Variants in GRHPR observed in about 807,000 individuals in gnomAD.
The protein encoded by GRHPR is glyoxylate reductase/hydroxypyruvate reductase.
GRHPR carries 35 observed loss-of-function variants against 36.8 expected under a neutral mutation model. The observed-to-expected ratio is 0.95, with a 90% confidence interval of 0.73 to 1.26. The LOEUF is 1.26. Among genes scored for constraint, GRHPR ranks in the 50% most tolerant of loss-of-function variants. GRHPR has a pLI of 0.00. For synonymous variants in GRHPR, 179 were observed against 181.0 expected, an observed-to-expected ratio of 0.99 and a Z score of 0.09; for missense variants, 380 against 435.0, an observed-to-expected ratio of 0.87 and a Z score of 1.12.
intron 7 of GRHPR, chr9:37,431,384 C>T (rs1030744491): frequency 1.6e-5 from 5 of 306,478 alleles, no homozygotes; most frequent in South Asian, 2.9e-5. Context: ...TCACAGCTGC[C>T]GTGTACTGGG....
chr9:37,430,573 G>A lies in GRHPR; in HGVS notation c.661G>A (p.Ala221Thr). ...FIVVACSLTP[A>T]TEGLCNKDFF... is the part of the protein sequence containing the mutation. Reference sequence around the variant, plus strand: ...CGTCGTGGCCTGCTCCTTAACACCTGCAACCGAGGGACTCTGCAACAAGGA... The same window carrying A: ...CGTCGTGGCCTGCTCCTTAACACCTACAACCGAGGGACTCTGCAACAAGGA... The change falls in exon 7 of 9, where the codon GCA becomes ACA. Residue 221 changes from alanine (A) to threonine (T), a missense_variant. Physicochemically the swap from Ala to Thr is moderately conservative, Grantham distance 58. Transcript: ENST00000318158. 1.9e-6 allele frequency: 3 copies of A among 1,613,564 alleles called. No individual in the cohort carries two copies. The highest frequency in any genetic ancestry group is 2.5e-6 in the Non-Finnish European group (3 of 1,179,476).
chr9:37,436,968 T>C lies in GRHPR; in HGVS notation c.*186T>C, dbSNP rs1030071327. On this transcript the variant is annotated 3_prime_UTR_variant, in exon 9 of 9. Transcript: ENST00000318158. The stretch of plus-strand genomic sequence containing the variant: ...ATTTGCGCCAAAAGTATGGTAATTC[T>C]ATTATTAAATAATTCTCTGAGAGAC... 1.8e-5 allele frequency: 11 copies of C among 610,936 alleles called. No individual in the cohort carries two copies. The African/African-American group carries it at 2.0e-4, about 11-fold the overall frequency. 37.8% of individuals were successfully genotyped at this position (610,936 alleles called of 1,614,324 possible).
rs146227450 is a variant in GRHPR at position 37,430,578 on chromosome 9, C to T, written c.666C>T (p.Thr222=). ...TGGCCTGCTCCTTAACACCTGCAAC[C>T]GAGGGACTCTGCAACAAGGACTTCT... ...IVVACSLTPA[T]EGLCNKDFFQ... Residue 222 remains threonine, a synonymous_variant, in exon 7 of 9, where the codon ACC becomes ACT. Transcript: ENST00000318158. 6.6e-5 allele frequency: 107 copies of T among 1,613,378 alleles called. No individual in the cohort carries two copies. The African/African-American group carries it at 9.9e-4, about 15-fold the overall frequency.
chr9:37,422,889 G>A (rs1172838237), intron 1 of GRHPR, 56 bp downstream of exon 1: 1 of 1,299,736 alleles, frequency 7.7e-7, no homozygotes, highest in African/African-American at 1.5e-5. Context: ...GGACCGGAGA[G>A]CCGGGCGGGG....
intron 8 of GRHPR, 68 bp from the exon 9 acceptor site, chr9:37,436,593 A>T: frequency 1.3e-6 from 2 of 1,589,634 alleles, no homozygotes; most frequent in Non-Finnish European, 1.7e-6. Flanking sequence ...CAAGCCATGA[A>T]AACAGCCCAG....
chr9:37,428,677 C>T, intron 5 of GRHPR, 105 bp downstream of exon 5: 1 of 792,112 alleles, frequency 1.3e-6, no homozygotes, highest in South Asian at 1.3e-5. Context: ...GCTGTCAGGG[C>T]ACTTTGCTTG....
At position 37,426,602 on chromosome 9, in the gene GRHPR, C is replaced by T. The variant is rs182258378; in HGVS notation, c.352C>T (p.Leu118=). 2 of 1,613,918 alleles carry T rather than the reference C, an allele frequency of 1.2e-6. No individual in the cohort carries two copies. The highest frequency in any genetic ancestry group is 4.5e-5 in the East Asian group (2 of 44,888). Residue 118 remains leucine, a synonymous_variant, in exon 4 of 9, where the codon CTG becomes TTG. Coordinates refer to ENST00000318158, the MANE Select transcript of GRHPR (RefSeq NM_012203.2). ...TACCACCGCCGAACTCGCAGTCTCC[C>T]TGCTACTTACCACCTGCCGCCGGTT... is the stretch of plus-strand genomic sequence containing the variant. ...TDTTAELAVS[L]LLTTCRRLPE...
At chr9:37,431,781 CAG>C in intron 7 of GRHPR, 1 of 507,106 alleles carries the variant, frequency 2.0e-6, no homozygotes, top group Non-Finnish European at 3.6e-6. Context: ...ATTCGAGGCA[CAG>C]AGAATTTGAG....
chr9:37,432,014 C>T lies in GRHPR; in HGVS notation c.741C>T (p.Asp247=), dbSNP rs549318773. Residue 247 remains aspartate (D), a synonymous_variant, in exon 8 of 9, where the codon GAC becomes GAT. Coordinates refer to ENST00000318158, the MANE Select transcript of GRHPR (RefSeq NM_012203.2). ...TCACCACTGTCATTCCCAGGGGCGACGTCGTAAACCAGGACGACCTGTACC... is the reference window on the plus strand; with the variant it reads ...TCACCACTGTCATTCCCAGGGGCGATGTCGTAAACCAGGACGACCTGTACC... ...TAVFINISRG[D]VVNQDDLYQA... is the part of the protein sequence containing the mutation. 72 of 1,614,058 alleles carry T rather than the reference C, an allele frequency of 4.5e-5. 1 individual carries two copies. Among genetic ancestry groups the T allele is most frequent in the South Asian group, 3.1e-4 (28 of 91,078 alleles).
At chr9:37,424,369 T>C (rs1249612481) in intron 1 of GRHPR, among the ~76,000 whole-genome samples, 1 of 152,266 alleles carries the variant, frequency 6.6e-6, no homozygotes, top group Non-Finnish European at 1.5e-5. Context: ...ATCTGGTTGC[T>C]GTGAGCTGCC....
rs966467855 is a variant in GRHPR at position 37,425,111 on chromosome 9, G to A, written c.214+136G>A. ...TTCCTGCGATACCAGGCCCGAGCGG[G>A]CAGATAGCTTGCTCTGGCACAGGCA... On this transcript the variant is annotated intron_variant, in intron 2 of 8. Transcript: ENST00000318158. The A allele has an allele frequency of 3.5e-6, 3 of 866,560 alleles. No homozygotes were observed. The South Asian group carries it at 4.7e-5, about 14-fold the overall frequency. The allele number at this position is 866,560 out of a possible 1,614,324, so 53.7% of individuals were successfully genotyped here.
rs771231175 is a variant in GRHPR at position 37,429,816 on chromosome 9, C to T, written c.578C>T (p.Ala193Val). ...TGRQPRPEEA[A>V]EFQAEFVSTP... Reference sequence around the variant, plus strand: ...CGCCAGCCCAGGCCTGAGGAAGCAGCAGAATTCCAGGCAGAGTTTGGTAAG... The same window carrying T: ...CGCCAGCCCAGGCCTGAGGAAGCAGTAGAATTCCAGGCAGAGTTTGGTAAG... Residue 193 changes from alanine (A) to valine (V), a missense_variant, in exon 6 of 9, where the codon GCA becomes GTA. Physicochemically the swap from Ala to Val is moderately conservative, Grantham distance 64. Coordinates refer to ENST00000318158, the MANE Select transcript of GRHPR (RefSeq NM_012203.2). The T allele has an allele frequency of 2.9e-5, 46 of 1,601,928 alleles. No individual in the cohort carries two copies. The East Asian group carries it at 3.6e-4, about 12-fold the overall frequency.
chr9:37,429,396 G>C (rs774127781), intron 5 of GRHPR: 3 of 391,398 alleles, frequency 7.7e-6, no homozygotes, highest in South Asian at 6.4e-5. Flanking sequence ...GCTTGACCAG[G>C]TGTCTCCCTT....
rs771019056 is a variant in GRHPR at position 37,428,532 on chromosome 9, C to CA, written c.454dup (p.Thr152AsnfsTer39). ...CCCTCTGGCTGTGTGGCTATGGACT[C>CA]ACGCAGAGCACTGTCGGCATCATCG... On this transcript the variant is annotated frameshift_variant, in exon 5 of 9. Coordinates refer to ENST00000318158, the MANE Select transcript of GRHPR (RefSeq NM_012203.2). LOFTEE classifies it high-confidence loss of function. 23 of 1,612,110 alleles carry CA rather than the reference C, an allele frequency of 1.4e-5. No individual in the cohort carries two copies. The highest frequency in any genetic ancestry group is 1.9e-5 in the Non-Finnish European group (22 of 1,179,486).
rs568786902 is a variant in GRHPR at position 37,430,551 on chromosome 9, C to G, written c.639C>G (p.Val213=). The G allele has an allele frequency of 6.2e-7, 1 of 1,613,620 alleles. No homozygotes were observed. Among genetic ancestry groups the G allele is most frequent in the Non-Finnish European group, 8.5e-7 (1 of 1,179,494 alleles). ...PELAAQSDFI[V]VACSLTPATE... ...TGGCTGCCCAATCTGATTTCATCGTCGTGGCCTGCTCCTTAACACCTGCAA... is the reference window on the plus strand; with the variant it reads ...TGGCTGCCCAATCTGATTTCATCGTGGTGGCCTGCTCCTTAACACCTGCAA... The change falls in exon 7 of 9, where the codon GTC becomes GTG. Residue 213 remains valine (V), a synonymous_variant. Transcript: ENST00000318158.
At chr9:37,438,528 A>G (rs1420981198), downstream of GRHPR, 1 of 152,250 alleles carries the variant, frequency 6.6e-6, no homozygotes, top group Admixed American at 6.5e-5. Context: ...AGCAAAGTCC[A>G]CTTATGCTTC....
upstream of GRHPR, chr9:37,422,610 T>C (rs1231579125): frequency 1.4e-6 from 1 of 707,864 alleles, no homozygotes; most frequent in African/African-American, 1.8e-5. Flanking sequence ...AACCCGGCGC[T>C]CCCTCTCGCG....
intron 4 of GRHPR, chr9:37,427,939 G>A (rs1367038792): frequency 1.8e-5 from 3 of 170,772 alleles, no homozygotes; most frequent in Admixed American, 1.6e-4. Context: ...CTCTCACAGT[G>A]CGTGGCCAGC....
chr9:37,437,899 T>C (rs1823747235), downstream of GRHPR, among the ~76,000 whole-genome samples: 1 of 152,118 alleles, frequency 6.6e-6, no homozygotes, highest in Admixed American at 6.5e-5. Flanking sequence ...CTGGGTAGAC[T>C]GAAAAGCAAA....
Sources: allele counts gnomAD v4.1 joint callset (sites outside exome capture counted in the v4.1 genomes callset), GRCh38; gene constraint gnomAD v4.1.1; transcripts MANE v1.5; gene names NCBI Gene and HGNC (gene_info 2026-07-23, HGNC 2026-07-21).